ADAM2: variants seen among roughly 807,000 people sequenced by gnomAD.
ADAM2 encodes the protein disintegrin and metalloproteinase domain-containing protein 2.
ADAM2 carries 101 observed loss-of-function variants against 99.3 expected under a neutral mutation model. That is an observed-to-expected ratio of 1.02 (90% CI 0.87 to 1.20). The LOEUF (loss-of-function observed/expected upper bound fraction) is 1.20. ADAM2 is among the 50% of genes most tolerant of loss of function. The probability of loss-of-function intolerance (pLI) is 0.00; values close to 1 mark genes in which losing one functional copy is unlikely to be tolerated. For synonymous variants in ADAM2, 323 were observed against 287.6 expected, an observed-to-expected ratio of 1.12 and a Z score of -1.25; for missense variants, 948 against 878.7, an observed-to-expected ratio of 1.08 and a Z score of -1.00.
chr8:39,779,083 C>T (rs1335026215), intron 10 of ADAM2, among the ~76,000 whole-genome samples: 6 of 151,720 alleles, frequency 4.0e-5, no homozygotes, highest in Non-Finnish European at 8.8e-5. Flanking sequence ...TTGATCTTTC[C>T]TTTTATTGTA....
chr8:39,788,054 T>C (rs1291253531), intron 9 of ADAM2, 31 bp downstream of exon 9: 5 of 1,347,172 alleles, frequency 3.7e-6, no homozygotes, highest in Admixed American at 5.7e-5. Flanking sequence ...TTTCTTCAGA[T>C]AAACTTTATA....
intron 10 of ADAM2, among the ~76,000 whole-genome samples, chr8:39,780,736 C>T (rs1803185401): frequency 1.3e-5 from 2 of 151,986 alleles, no homozygotes. Context: ...GTAATAGAAA[C>T]AAAATACATA....
rs138479964 is a variant in ADAM2, at chr8:39,818,532, T to G, written c.513+2470A>C. Among the ~76,000 whole-genome samples, 761 of 152,102 alleles carry G rather than the reference T, an allele frequency of 5.0e-3. 4 individuals carry two copies. The highest frequency in any genetic ancestry group is 0.017 in the African/African-American group (726 of 41,548). ...GATTGGGAAAAGATGAGAACATCTC[T>G]TTTTCACCTATTCTATTCAACATTA... On this transcript the variant is annotated intron_variant, in intron 6 of 20. Coordinates refer to ENST00000265708, the MANE Select transcript of ADAM2 (RefSeq NM_001464.5).
intron 10 of ADAM2, among the ~76,000 whole-genome samples, chr8:39,778,932 G>A (rs1803108397): frequency 6.6e-6 from 1 of 151,678 alleles, no homozygotes. Flanking sequence ...CCTGTTTCCT[G>A]TTATCTCTTA....
chr8:39,802,701 CAGAG>C (rs1435858752), intron 7 of ADAM2, among the ~76,000 whole-genome samples: 1 of 152,088 alleles, frequency 6.6e-6, no homozygotes, highest in Non-Finnish European at 1.5e-5. Context: ...GCGAGACACT[CAGAG>C]AGTTCACCAA....
intron 6 of ADAM2, among the ~76,000 whole-genome samples, chr8:39,812,209 A>T (rs1390467530): frequency 1.3e-5 from 2 of 152,206 alleles, no homozygotes; most frequent in African/African-American, 2.4e-5. Flanking sequence ...CTAGGAATCC[A>T]ACTTACCAGG....
In ADAM2 at chr8:39,765,829, C is replaced by T. The variant is rs938345694; in HGVS notation, c.1507+1019G>A. The stretch of plus-strand genomic sequence containing the variant: ...GGTTAGTGATAAGTGCTTTGCAATC[C>T]CTTTTTACACAGAAATTAGAGTTAG... On this transcript the variant is annotated intron_variant, in intron 14 of 20. Coordinates refer to ENST00000265708, the MANE Select transcript of ADAM2 (RefSeq NM_001464.5). 2.4e-4 allele frequency among the ~76,000 whole-genome samples: 36 copies of T among 152,210 alleles called. 1 individual carries two copies. The highest frequency in any genetic ancestry group is 6.8e-3 in the Middle Eastern group (2 of 294).
intron 7 of ADAM2, among the ~76,000 whole-genome samples, chr8:39,792,714 A>C (rs760935608): frequency 6.6e-6 from 1 of 152,100 alleles, no homozygotes; most frequent in Non-Finnish European, 1.5e-5. Flanking sequence ...TTTGTCAAAA[A>C]AAAATTGTGA....
Position 39,766,838 on chromosome 8 carries a change from T to C in ADAM2, c.1507+10A>G. On this transcript the variant is annotated intron_variant, in intron 14 of 20. Coordinates refer to ENST00000265708, the MANE Select transcript of ADAM2 (RefSeq NM_001464.5). ...AACGCATATATGAGAAATCAAATGA[T>C]AATAAATACCTTTGCCAAATGTGTC... 6.4e-7 allele frequency: 1 copy of C among 1,560,224 alleles called. No homozygotes were observed. Among genetic ancestry groups the C allele is most frequent in the Non-Finnish European group, 8.7e-7 (1 of 1,147,546 alleles).
intron 11 of ADAM2, among the ~76,000 whole-genome samples, chr8:39,775,585 T>C (rs1370639237): frequency 6.6e-6 from 1 of 152,142 alleles, no homozygotes; most frequent in Non-Finnish European, 1.5e-5. Flanking sequence ...TATATGAAAC[T>C]GACTTTTAAA....
chr8:39,752,832 G>T (rs1353785359), intron 16 of ADAM2, among the ~76,000 whole-genome samples: 1 of 152,074 alleles, frequency 6.6e-6, no homozygotes, highest in Non-Finnish European at 1.5e-5. Context: ...CTGCCTCCAC[G>T]TAAGACATGC....
chr8:39,776,967 A>T, intron 11 of ADAM2, 58 bp downstream of exon 11: 1 of 1,093,644 alleles, frequency 9.1e-7, no homozygotes, highest in Non-Finnish European at 1.3e-6. Context: ...TTCTTCAACT[A>T]AATACATTAA....
chr8:39,801,668 G>A (rs980267995), intron 7 of ADAM2, among the ~76,000 whole-genome samples: 2 of 151,648 alleles, frequency 1.3e-5, no homozygotes, highest in Admixed American at 6.6e-5. Flanking sequence ...TCCCCCTGGG[G>A]GCTCAGGCTC....
At chr8:39,830,984 G>A (rs890386039) in intron 3 of ADAM2, among the ~76,000 whole-genome samples, 26 of 152,094 alleles carry the variant, frequency 1.7e-4, no homozygotes, top group East Asian at 1.9e-4. Flanking sequence ...ACTGTATGAG[G>A]GCACAGCATG....
At chr8:39,835,518 T>C (rs1586172592) in intron 2 of ADAM2, among the ~76,000 whole-genome samples, 1 of 152,098 alleles carries the variant, frequency 6.6e-6, no homozygotes, top group South Asian at 2.1e-4. Flanking sequence ...CCGTCTCTAC[T>C]AAAAATACAA....
At chr8:39,833,878 G>T in intron 3 of ADAM2, 66 bp downstream of exon 3, 1 of 862,692 alleles carries the variant, frequency 1.2e-6, no homozygotes, top group Non-Finnish European at 1.9e-6. Context: ...ATTACATTCT[G>T]GACAATTTCA....
At chr8:39,772,734 A>G (rs1233475178) in intron 11 of ADAM2, among the ~76,000 whole-genome samples, 1 of 152,014 alleles carries the variant, frequency 6.6e-6, no homozygotes, top group Non-Finnish European at 1.5e-5. Flanking sequence ...AAGTATTTGC[A>G]AAAGAATGAA....
rs1030676460 is a variant in ADAM2 at position 39,825,458 on chromosome 8, A to T, written c.189-561T>A. Among the ~76,000 whole-genome samples, 9 of 152,178 alleles carry T rather than the reference A, an allele frequency of 5.9e-5. No individual in the cohort carries two copies. The East Asian group carries it at 9.6e-4, about 16-fold the overall frequency. On this transcript the variant is annotated intron_variant, in intron 3 of 20. Coordinates refer to ENST00000265708, the MANE Select transcript of ADAM2 (RefSeq NM_001464.5). ...TCTATGTTGTTACTAATACTAATGC[A>T]CCCCAAGCATTAGTATTGTTTGCCA...
intron 7 of ADAM2, among the ~76,000 whole-genome samples, chr8:39,802,282 T>G (rs1223870862): frequency 6.6e-6 from 1 of 152,176 alleles, no homozygotes; most frequent in Admixed American, 6.5e-5. Flanking sequence ...CTGCTCTTCC[T>G]TCTTTCCGTG....
Sources: gnomAD v4.1 joint callset for allele counts (sites outside exome capture counted in the v4.1 genomes callset) on GRCh38, gnomAD v4.1.1 for gene constraint, MANE v1.5 for transcripts, NCBI Gene and HGNC (gene_info 2026-07-23, HGNC 2026-07-21) for gene names.